The following CLVS2 variants were observed in gnomAD, a reference collection of about 807,000 sequenced individuals.
CLVS2 encodes the protein clavesin 2.
Under a neutral mutation model 29.0 loss-of-function variants are expected in CLVS2, and 19 were observed. The ratio of observed to expected loss-of-function variants is 0.66; its 90% CI spans 0.46 to 0.96. CLVS2 has a LOEUF of 0.96. Ranked by LOEUF, CLVS2 falls within the 40% of genes least tolerant of loss-of-function variation. CLVS2 has a pLI of 0.00. For missense variants in CLVS2, 294 were observed against 404.1 expected, an observed-to-expected ratio of 0.73 and a Z score of 2.34; for synonymous variants, 161 against 151.3, an observed-to-expected ratio of 1.06 and a Z score of -0.47.
intron 4 of CLVS2, among the ~76,000 whole-genome samples, chr6:123,050,961 A>G (rs1471347546): frequency 6.6e-6 from 1 of 152,194 alleles, no homozygotes; most frequent in Non-Finnish European, 1.5e-5. Context: ...GAAGGAAGGT[A>G]TCTAAACTTT....
chr6:123,041,951 T>G (rs368406792), intron 3 of CLVS2, among the ~76,000 whole-genome samples: 1 of 152,186 alleles, frequency 6.6e-6, no homozygotes, highest in East Asian at 1.9e-4. Context: ...ATATTCGTAT[T>G]TCAAAAATTG....
intron 3 of CLVS2, among the ~76,000 whole-genome samples, chr6:123,033,170 G>A (rs1196133037): frequency 2.0e-5 from 3 of 152,002 alleles, no homozygotes; most frequent in Non-Finnish European, 4.4e-5. Context: ...AAGATAATCT[G>A]TCAGCTTTGG....
At chr6:123,023,192 G>A (rs1363422754) in intron 3 of CLVS2, among the ~76,000 whole-genome samples, 1 of 152,066 alleles carries the variant, frequency 6.6e-6, no homozygotes, top group Non-Finnish European at 1.5e-5. Flanking sequence ...CTGGAACTCA[G>A]TTGCTGTGGT....
intron 4 of CLVS2, among the ~76,000 whole-genome samples, chr6:123,054,561 T>C (rs1409525634): frequency 6.6e-6 from 1 of 152,244 alleles, no homozygotes; most frequent in Non-Finnish European, 1.5e-5. Context: ...CTTTCTTTGT[T>C]TCCCAATGTA....
chr6:123,038,487 T>C (rs1415322052), intron 3 of CLVS2, among the ~76,000 whole-genome samples: 1 of 152,180 alleles, frequency 6.6e-6, no homozygotes, highest in Non-Finnish European at 1.5e-5. Context: ...ATTATACATA[T>C]TTGTAAATGT....
chr6:123,038,398 T>C (rs1191472076), intron 3 of CLVS2, among the ~76,000 whole-genome samples: 1 of 152,212 alleles, frequency 6.6e-6, no homozygotes, highest in African/African-American at 2.4e-5. Context: ...AGTAAATATT[T>C]GTTAAGTTTA....
intron 3 of CLVS2, among the ~76,000 whole-genome samples, chr6:123,039,780 A>G (rs778913173): frequency 2.6e-5 from 4 of 152,212 alleles, no homozygotes; most frequent in Admixed American, 6.5e-5. Flanking sequence ...ATGACTAAAC[A>G]TGTTACAGAT....
chr6:123,060,539 AAAG>A (rs1229730454), intron 5 of CLVS2, among the ~76,000 whole-genome samples: 1 of 152,226 alleles, frequency 6.6e-6, no homozygotes, highest in Non-Finnish European at 1.5e-5. Flanking sequence ...AGCAAGTAAT[AAAG>A]TAGTAGTATC....
At chr6:123,061,451 A>T (rs982910790) in intron 5 of CLVS2, among the ~76,000 whole-genome samples, 1 of 152,194 alleles carries the variant, frequency 6.6e-6, no homozygotes, top group Non-Finnish European at 1.5e-5. Context: ...CTAAAAAAAA[A>T]TTGGACTAAA....
chr6:123,021,729 C>T (rs550827698), intron 3 of CLVS2, among the ~76,000 whole-genome samples: 18 of 152,184 alleles, frequency 1.2e-4, no homozygotes, highest in Admixed American at 3.3e-4. Context: ...ACCTGGTTGC[C>T]TACGCAGCCT....
intron 2 of CLVS2, among the ~76,000 whole-genome samples, chr6:123,005,342 C>A (rs951896081): frequency 6.6e-6 from 1 of 152,094 alleles, no homozygotes; most frequent in African/African-American, 2.4e-5. Context: ...GGTAATTTTT[C>A]TCCTTTTTTC....
At chr6:123,035,070 T>A (rs1775133056) in intron 3 of CLVS2, among the ~76,000 whole-genome samples, 1 of 152,126 alleles carries the variant, frequency 6.6e-6, no homozygotes, top group Non-Finnish European at 1.5e-5. Context: ...AAGAACACCA[T>A]GGCATTATCT....
intron 3 of CLVS2, among the ~76,000 whole-genome samples, chr6:123,013,697 A>G (rs907971242): frequency 6.6e-6 from 1 of 151,794 alleles, no homozygotes; most frequent in African/African-American, 2.4e-5. Context: ...TTTAGGGTAC[A>G]TGTGCACATT....
intron 5 of CLVS2, among the ~76,000 whole-genome samples, chr6:123,063,067 T>A (rs1772801886): frequency 1.3e-5 from 2 of 152,324 alleles, no homozygotes; most frequent in South Asian, 4.1e-4. Flanking sequence ...TTTTACTTTT[T>A]AAAAATCTAT....
rs780221084 is a variant in CLVS2 at position 123,055,965 on chromosome 6, G to A, written c.835G>A (p.Asp279Asn). ...TGACGATGACAGCGAGTACAATGTA[G>A]ACTCCTACAGCATGCCTGTGAAGGA... ...EYDDDSEYNVDSYSMPVKEVE... is the reference protein window; with the variant it reads ...EYDDDSEYNVNSYSMPVKEVE... The change falls in exon 5 of 6, where the codon GAC (aspartate) becomes AAC (asparagine). Residue 279 changes from aspartate (D) to asparagine (N), a missense_variant. Asp to Asn is a conservative substitution (Grantham distance 23). Around this residue, in one of 2 missense-constraint regions of CLVS2, gnomAD observed 82 missense variants for 67.8 expected, o/e 1.21. Coordinates refer to ENST00000275162, the MANE Select transcript of CLVS2 (RefSeq NM_001010852.4). The A allele has an allele frequency of 1.2e-6, 2 of 1,614,030 alleles. No homozygotes were observed. Among genetic ancestry groups the A allele is most frequent in the South Asian group, 2.2e-5 (2 of 91,080 alleles).
chr6:123,018,106 A>G (rs1170401427), intron 3 of CLVS2, among the ~76,000 whole-genome samples: 1 of 152,148 alleles, frequency 6.6e-6, no homozygotes, highest in East Asian at 1.9e-4. Flanking sequence ...CATTGAGCTA[A>G]TGACAAATGG....
intron 3 of CLVS2, among the ~76,000 whole-genome samples, chr6:123,040,192 A>G (rs763439119): frequency 2.6e-5 from 4 of 152,354 alleles, no homozygotes; most frequent in Non-Finnish European, 5.9e-5. Context: ...AGATTTTGAG[A>G]TAGCCTAATC....
At chr6:123,054,219 A>G (rs531292955) in intron 4 of CLVS2, among the ~76,000 whole-genome samples, 106 of 152,372 alleles carry the variant, frequency 7.0e-4, no homozygotes, top group African/African-American at 2.0e-3. Flanking sequence ...TGCATGTGCC[A>G]TAACTTAACT....
chr6:123,007,026 G>A lies in CLVS2; in HGVS notation c.390-3959G>A, dbSNP rs535475919. Among the ~76,000 whole-genome samples the A allele has an allele frequency of 3.9e-5, 6 of 152,240 alleles. No individual in the cohort carries two copies. In the South Asian group the frequency reaches 8.3e-4, roughly 21 times the overall value. ...TAGAAGAGTTTCAACAGCAATAATC[G>A]CAGAAAATATTTATGGTTTCTATTA... On this transcript the variant is annotated intron_variant, in intron 2 of 5. Transcript: ENST00000275162.
Sources: allele counts gnomAD v4.1 joint callset (sites outside exome capture counted in the v4.1 genomes callset), GRCh38; gene constraint gnomAD v4.1.1; regional missense constraint gnomAD v4.1.1; transcripts MANE v1.5; gene names NCBI Gene and HGNC (gene_info 2026-07-23, HGNC 2026-07-21).